ROBO2: variants seen among roughly 807,000 people sequenced by gnomAD.
The protein encoded by ROBO2 is roundabout guidance receptor 2, also known as roundabout homolog 2.
Under a neutral mutation model 160.8 loss-of-function variants are expected in ROBO2, and 53 were observed. The observed-to-expected ratio is 0.33, with a 90% confidence interval of 0.26 to 0.41. The LOEUF (loss-of-function observed/expected upper bound fraction) is 0.41, where lower values mean the gene tolerates loss of function less well. ROBO2 is among the 10% of genes least tolerant of loss of function. ROBO2 has a pLI of 1.00. For missense variants in ROBO2, 1,577 were observed against 1,722.4 expected (o/e 0.92, Z 1.49); for synonymous variants, 664 against 611.7 (o/e 1.09, Z -1.26).
At chr3:76,526,311 T>C (rs1390319945) in intron 2 of ROBO2, among the ~76,000 whole-genome samples, 2 of 152,060 alleles carry the variant, frequency 1.3e-5, no homozygotes, top group African/African-American at 4.8e-5. Flanking sequence ...TGTTTTCTTT[T>C]GTTCTCAGCA....
At chr3:77,521,910 T>G (rs2090634954) in intron 5 of ROBO2, among the ~76,000 whole-genome samples, 1 of 151,216 alleles carries the variant, frequency 6.6e-6, no homozygotes, top group African/African-American at 2.4e-5. Flanking sequence ...TGGATCTAAC[T>G]GTGGTATGTA....
chr3:76,525,535 A>G (rs2081903088), intron 2 of ROBO2, among the ~76,000 whole-genome samples: 1 of 151,898 alleles, frequency 6.6e-6, no homozygotes, highest in Non-Finnish European at 1.5e-5. Flanking sequence ...TCTTATTTAA[A>G]CTGAAAAAAA....
At chr3:77,050,331 G>A (rs182858833) in intron 1 of ROBO2, among the ~76,000 whole-genome samples, 27 of 149,378 alleles carry the variant, frequency 1.8e-4, no homozygotes, top group African/African-American at 6.5e-4. Flanking sequence ...ATAACCGTTT[G>A]TGTATTCTAA....
chr3:76,689,977 G>A (rs147599410), intron 2 of ROBO2, among the ~76,000 whole-genome samples: 51 of 152,136 alleles, frequency 3.4e-4, no homozygotes, highest in Middle Eastern at 6.8e-3. Context: ...TAACCTGGTC[G>A]TTGAAATTGA....
intron 2 of ROBO2, among the ~76,000 whole-genome samples, chr3:76,462,779 T>C (rs2078157344): frequency 6.6e-6 from 1 of 152,186 alleles, no homozygotes; most frequent in Non-Finnish European, 1.5e-5. Context: ...ACTATGTGAA[T>C]TACTGTCGGT....
At chr3:77,138,048 G>A (rs750449721) in intron 2 of ROBO2, among the ~76,000 whole-genome samples, 2 of 151,976 alleles carry the variant, frequency 1.3e-5, no homozygotes, top group Non-Finnish European at 2.9e-5. Context: ...ACGACTACCA[G>A]GAACCTTCCT....
chr3:76,117,459 A>G (rs1398572682), intron 2 of ROBO2, among the ~76,000 whole-genome samples: 2 of 152,190 alleles, frequency 1.3e-5, no homozygotes, highest in African/African-American at 2.4e-5. Context: ...AACAGAAATT[A>G]TGAGACACCA....
intron 2 of ROBO2, among the ~76,000 whole-genome samples, chr3:76,122,262 T>C (rs1040494938): frequency 1.3e-5 from 2 of 151,952 alleles, no homozygotes; most frequent in South Asian, 2.1e-4. Flanking sequence ...CTGTGGCTAT[T>C]AGGCTCTTGG....
intron 2 of ROBO2, among the ~76,000 whole-genome samples, chr3:76,227,277 C>A (rs558688826): frequency 6.6e-6 from 1 of 152,128 alleles, no homozygotes; most frequent in African/African-American, 2.4e-5. Flanking sequence ...GCCATTATTG[C>A]GAAGAGTACC....
At chr3:77,176,324 A>G (rs1579658678) in intron 2 of ROBO2, among the ~76,000 whole-genome samples, 1 of 152,040 alleles carries the variant, frequency 6.6e-6, no homozygotes, top group African/African-American at 2.4e-5. Context: ...TTACATATGA[A>G]TGAGTCAGTG....
intron 4 of ROBO2, among the ~76,000 whole-genome samples, chr3:77,485,141 A>T (rs982705134): frequency 4.6e-5 from 7 of 152,020 alleles, no homozygotes; most frequent in Non-Finnish European, 1.0e-4. Flanking sequence ...TGTTTTCTGC[A>T]TCCTATGTTT....
intron 8 of ROBO2, among the ~76,000 whole-genome samples, chr3:77,551,718 T>C (rs1451875098): frequency 6.6e-6 from 1 of 152,014 alleles, no homozygotes; most frequent in Non-Finnish European, 1.5e-5. Context: ...CCTTTATTTG[T>C]GAGGATTTTT....
At chr3:75,981,266 G>C (rs991350450) in intron 2 of ROBO2, among the ~76,000 whole-genome samples, 2 of 151,360 alleles carry the variant, frequency 1.3e-5, no homozygotes, top group African/African-American at 4.8e-5. Context: ...CCATTCAATT[G>C]CTGGAACTAA....
At chr3:76,557,106 C>T (rs1436071764) in intron 2 of ROBO2, among the ~76,000 whole-genome samples, 3 of 151,984 alleles carry the variant, frequency 2.0e-5, no homozygotes, top group Admixed American at 2.0e-4. Flanking sequence ...TTAAATAATA[C>T]ACCAGTGACC....
At chr3:76,977,346 T>C (rs1559790102) in intron 2 of ROBO2, among the ~76,000 whole-genome samples, 1 of 152,204 alleles carries the variant, frequency 6.6e-6, no homozygotes, top group Non-Finnish European at 1.5e-5. Flanking sequence ...AAAATCCTAA[T>C]TGAACCAGTG....
chr3:76,628,591 A>T (rs2089826049), intron 2 of ROBO2, among the ~76,000 whole-genome samples: 1 of 152,104 alleles, frequency 6.6e-6, no homozygotes, highest in Non-Finnish European at 1.5e-5. Context: ...CTACTATCTC[A>T]TTTCATGCCT....
chr3:76,876,527 G>A (rs1237768438), intron 2 of ROBO2, among the ~76,000 whole-genome samples: 1 of 151,932 alleles, frequency 6.6e-6, no homozygotes, highest in Non-Finnish European at 1.5e-5. Flanking sequence ...ATATAAAAAT[G>A]AGCCAGGCAT....
chr3:76,000,025 G>A (rs1440524165), intron 2 of ROBO2, among the ~76,000 whole-genome samples: 16 of 152,190 alleles, frequency 1.1e-4, no homozygotes, highest in Admixed American at 1.0e-3. Context: ...TGGGCATTTT[G>A]TATAATTCTT....
chr3:76,012,489 TTTAA>T (rs1353119506), intron 2 of ROBO2, among the ~76,000 whole-genome samples: 1 of 152,194 alleles, frequency 6.6e-6, no homozygotes, highest in African/African-American at 2.4e-5. Flanking sequence ...CAAGTTGGAT[TTTAA>T]TTAATTCAAT....
Sources: gnomAD v4.1 joint callset for allele counts (sites outside exome capture counted in the v4.1 genomes callset) on GRCh38, gnomAD v4.1.1 for gene constraint, MANE v1.5 for transcripts, NCBI Gene and HGNC (gene_info 2026-07-23, HGNC 2026-07-21) for gene names.